DHX35: variants seen among roughly 807,000 people sequenced by gnomAD.
DHX35 encodes DEAH-box helicase 35, also known as probable ATP-dependent RNA helicase DHX35.
DHX35 carries 84 observed loss-of-function variants against 99.6 expected under a neutral mutation model. The ratio of observed to expected loss-of-function variants is 0.84; its 90% CI spans 0.71 to 1.01. The LOEUF is 1.01. DHX35 is among the 50% of genes least tolerant of loss of function. The probability of loss-of-function intolerance (pLI) is 0.00; values close to 1 mark genes in which losing one functional copy is unlikely to be tolerated. For missense variants in DHX35, 852 were observed against 888.5 expected (o/e 0.96, Z 0.52); for synonymous variants, 331 against 316.2 (o/e 1.05, Z -0.50).
chr20:38,994,838 G>T lies in DHX35; in HGVS notation c.600G>T (p.Gly200=). 1 of 1,613,518 alleles carries T rather than the reference G, an allele frequency of 6.2e-7. No individual in the cohort carries two copies. Among genetic ancestry groups the T allele is most frequent in the Non-Finnish European group, 8.5e-7 (1 of 1,179,612 alleles). Residue 200 remains glycine, a synonymous_variant, in exon 8 of 22, where the codon GGG becomes GGT. Coordinates refer to ENST00000252011, the MANE Select transcript of DHX35 (RefSeq NM_021931.4). ...TTTTTTAGATTCAGAAAAAGCGAGG[G>T]GATCTTCGATTGATTGTAGCTTCAG... ...GLLKKIQKKR[G]DLRLIVASAT... is the part of the protein sequence containing the mutation.
At chr20:38,994,936 A>G in intron 8 of DHX35, 56 bp downstream of exon 8, 1 of 1,495,136 alleles carries the variant, frequency 6.7e-7, no homozygotes, top group Admixed American at 1.7e-5. Flanking sequence ...TGTCCTATAT[A>G]TCCTTGGGAA....
At chr20:39,003,600 C>T in intron 10 of DHX35, 149 bp from the exon 11 acceptor site, 2 of 842,702 alleles carry the variant, frequency 2.4e-6, no homozygotes, top group African/African-American at 1.7e-5. Context: ...AATTAAATAC[C>T]ATCCCAGAGT....
At chr20:38,978,279 G>A in intron 3 of DHX35, 1 of 768,780 alleles carries the variant, frequency 1.3e-6, no homozygotes, top group Non-Finnish European at 2.4e-6. Flanking sequence ...CAGCCCCTGA[G>A]CTGACCGTTC....
In DHX35 at chr20:38,969,211, C is replaced by G; in HGVS notation, c.171C>G (p.Phe57Leu). Residue 57 changes from phenylalanine to leucine, a missense_variant, in exon 2 of 22, where the codon TTC becomes TTG. Physicochemically the swap from Phe to Leu is conservative, Grantham distance 22. Transcript: ENST00000252011. ...AGCAGAGGCAGAAGCTGCCGGTATT[C>G]AAGGTACGTCAAATAATCATGTTCA... ...IEQQRQKLPV[F>L]KLRNHILYLI... is the part of the protein sequence containing the mutation. 6.2e-7 allele frequency: 1 copy of G among 1,606,152 alleles called. No homozygotes were observed.
At chr20:39,006,494 C>A in intron 12 of DHX35, 138 bp downstream of exon 12, 2 of 892,940 alleles carry the variant, frequency 2.2e-6, no homozygotes, top group Non-Finnish European at 3.4e-6. Context: ...GTAATCAGAT[C>A]CCCACTGCTT....
At chr20:38,966,472 C>T (rs2145827171) in intron 1 of DHX35, among the ~76,000 whole-genome samples, 1 of 152,328 alleles carries the variant, frequency 6.6e-6, no homozygotes, top group East Asian at 1.9e-4. Context: ...AAGTTCGACA[C>T]CAGCCTGGCT....
chr20:38,982,865 A>G (rs1339977683), intron 3 of DHX35, among the ~76,000 whole-genome samples: 1 of 152,218 alleles, frequency 6.6e-6, no homozygotes, highest in African/African-American at 2.4e-5. Context: ...AAGTGCATAT[A>G]ATCAAATAAA....
intron 1 of DHX35, among the ~76,000 whole-genome samples, chr20:38,967,243 A>G (rs1023049900): frequency 1.3e-5 from 2 of 152,228 alleles, no homozygotes; most frequent in Non-Finnish European, 2.9e-5. Flanking sequence ...TAAAAAGTGT[A>G]AAAGTAAGTC....
chr20:39,028,466 A>G lies in DHX35; in HGVS notation c.1850A>G (p.Asn617Ser), dbSNP rs778040386. ...LRCIVSGFFA[N>S]AARFHSTGAY... ...TGCATTGTCTCCGGCTTCTTCGCCA[A>G]TGCAGCGAGGTTTCATTCTACTGGA... The change falls in exon 19 of 22, where the codon AAT becomes AGT. Residue 617 changes from asparagine (N) to serine (S), a missense_variant. Coordinates refer to ENST00000252011, the MANE Select transcript of DHX35 (RefSeq NM_021931.4). 16 of 1,614,260 alleles carry G rather than the reference A, an allele frequency of 9.9e-6. No homozygotes were observed. The highest frequency in any genetic ancestry group is 2.2e-5 in the East Asian group (1 of 44,890).
chr20:38,976,755 T>C (rs1212107051), intron 3 of DHX35, among the ~76,000 whole-genome samples: 1 of 152,128 alleles, frequency 6.6e-6, no homozygotes, highest in Non-Finnish European at 1.5e-5. Context: ...CTACTCCCTG[T>C]TCCCCTCTTC....
chr20:38,984,947 T>C (rs867196913), intron 4 of DHX35, among the ~76,000 whole-genome samples: 1 of 152,276 alleles, frequency 6.6e-6, no homozygotes, highest in African/African-American at 2.4e-5. Context: ...TTTTTGTTGA[T>C]ATAAAATTCT....
At chr20:39,026,317 A>T (rs2086956954) in intron 18 of DHX35, among the ~76,000 whole-genome samples, 1 of 152,188 alleles carries the variant, frequency 6.6e-6, no homozygotes, top group Admixed American at 6.5e-5. Context: ...TTACACAGTG[A>T]GGGTATGATG....
chr20:39,028,253 G>A (rs1051820423), intron 18 of DHX35, among the ~76,000 whole-genome samples, 165 bp from the exon 19 acceptor site: 4 of 152,164 alleles, frequency 2.6e-5, no homozygotes, highest in Non-Finnish European at 4.4e-5. Context: ...GCTGGGGCAG[G>A]CATCCAGCAT....
chr20:38,979,103 T>A (rs2086129717), intron 3 of DHX35, among the ~76,000 whole-genome samples: 1 of 152,194 alleles, frequency 6.6e-6, no homozygotes, highest in Non-Finnish European at 1.5e-5. Flanking sequence ...TTTGTAACGT[T>A]TTTTGAAGTC....
chr20:38,977,451 A>G (rs1285254425), intron 3 of DHX35, among the ~76,000 whole-genome samples: 2 of 152,170 alleles, frequency 1.3e-5, no homozygotes, highest in African/African-American at 2.4e-5. Flanking sequence ...CTTTATTAAA[A>G]TACTGAGTTT....
At chr20:38,984,749 C>T (rs1426427285) in intron 4 of DHX35, among the ~76,000 whole-genome samples, 1 of 152,092 alleles carries the variant, frequency 6.6e-6, no homozygotes, top group Non-Finnish European at 1.5e-5. Flanking sequence ...TATACATGTT[C>T]TTAATCATAA....
At chr20:39,023,806 C>G in intron 17 of DHX35, 39 bp downstream of exon 17, 1 of 1,548,032 alleles carries the variant, frequency 6.5e-7, no homozygotes, top group Non-Finnish European at 8.9e-7. Flanking sequence ...CCTCAACACA[C>G]CACCCTCTGG....
chr20:39,003,495 AACTCTTCC>A (rs2086557953), intron 10 of DHX35, among the ~76,000 whole-genome samples: 1 of 152,184 alleles, frequency 6.6e-6, no homozygotes. Context: ...ATTTATTGGG[AACTCTTCC>A]ATTCATTGCA....
chr20:38,965,640 A>G (rs947044353), intron 1 of DHX35, among the ~76,000 whole-genome samples: 4 of 152,152 alleles, frequency 2.6e-5, no homozygotes, highest in African/African-American at 7.2e-5. Context: ...TAAGAAGCCT[A>G]ATATCCAGAT....
Sources: allele counts gnomAD v4.1 joint callset (sites outside exome capture counted in the v4.1 genomes callset), GRCh38; gene constraint gnomAD v4.1.1; transcripts MANE v1.5; gene names NCBI Gene and HGNC (gene_info 2026-07-23, HGNC 2026-07-21).